SPPL3: variants seen among roughly 807,000 people sequenced by gnomAD.
The protein encoded by SPPL3 is signal peptide peptidase-like 3.
SPPL3 carries 5 observed loss-of-function variants against 42.4 expected under a neutral mutation model. The observed-to-expected ratio is 0.12, with a 90% confidence interval of 0.06 to 0.25. The LOEUF (loss-of-function observed/expected upper bound fraction) is 0.25. SPPL3 is among the 10% of genes least tolerant of loss of function. The probability of loss-of-function intolerance (pLI) is 1.00; values close to 1 mark genes in which losing one functional copy is unlikely to be tolerated. For missense variants in SPPL3, 235 were observed against 489.0 expected, an observed-to-expected ratio of 0.48 and a Z score of 4.90; for synonymous variants, 195 against 181.8, an observed-to-expected ratio of 1.07 and a Z score of -0.58.
intron 1 of SPPL3, among the ~76,000 whole-genome samples, chr12:120,838,266 T>C (rs1871689071): frequency 6.6e-6 from 1 of 152,232 alleles, no homozygotes; most frequent in South Asian, 2.1e-4. Flanking sequence ...ATATTTATTT[T>C]TTCCTTATCA....
At chr12:120,784,364 A>T in intron 4 of SPPL3, 110 bp downstream of exon 4, 1 of 1,196,174 alleles carries the variant, frequency 8.4e-7, no homozygotes, top group Non-Finnish European at 1.1e-6. Flanking sequence ...CAAGATTTAT[A>T]AGGAAAAACT....
At chr12:120,866,095 T>TTC (rs972946965) in intron 1 of SPPL3, among the ~76,000 whole-genome samples, 5 of 152,352 alleles carry the variant, frequency 3.3e-5, no homozygotes, top group Admixed American at 3.3e-4. Flanking sequence ...CTCCCACTGA[T>TTC]TCTCCATTAT....
At chr12:120,875,879 G>C (rs1873071226) in intron 1 of SPPL3, among the ~76,000 whole-genome samples, 1 of 152,056 alleles carries the variant, frequency 6.6e-6, no homozygotes, top group Admixed American at 6.6e-5. Flanking sequence ...TAAATACACA[G>C]ATTAAAAAGA....
chr12:120,886,853 TGCTA>T (rs1873476301), intron 1 of SPPL3, among the ~76,000 whole-genome samples: 2 of 152,194 alleles, frequency 1.3e-5, no homozygotes, highest in South Asian at 4.1e-4. Flanking sequence ...ATATGGGAGC[TGCTA>T]GCCACATGTA....
intron 1 of SPPL3, among the ~76,000 whole-genome samples, chr12:120,886,356 C>A (rs1305701144): frequency 1.3e-5 from 2 of 152,006 alleles, no homozygotes; most frequent in Non-Finnish European, 2.9e-5. Flanking sequence ...TATAGCAGAG[C>A]CCCAAAAGGC....
At chr12:120,861,908 C>T (rs1566063519) in intron 1 of SPPL3, among the ~76,000 whole-genome samples, 1 of 152,172 alleles carries the variant, frequency 6.6e-6, no homozygotes, top group East Asian at 1.9e-4. Context: ...TCACTTTGGG[C>T]TGTAGTGCTC....
At chr12:120,826,133 A>G (rs1255455615) in intron 1 of SPPL3, among the ~76,000 whole-genome samples, 4 of 139,604 alleles carry the variant, frequency 2.9e-5, no homozygotes, top group Non-Finnish European at 4.9e-5. Context: ...GTCTCTACTA[A>G]AAATACAAAA....
chr12:120,809,909 A>T (rs78516065), intron 2 of SPPL3, among the ~76,000 whole-genome samples: 92 of 152,350 alleles, frequency 6.0e-4, no homozygotes, highest in African/African-American at 2.0e-3. Context: ...GATTAAGAAA[A>T]ATATGATGTA....
At chr12:120,844,544 A>C (rs1260689866) in intron 1 of SPPL3, among the ~76,000 whole-genome samples, 1 of 152,082 alleles carries the variant, frequency 6.6e-6, no homozygotes, top group East Asian at 1.9e-4. Flanking sequence ...CACCCCACAC[A>C]CATGGCTGAG....
intron 1 of SPPL3, among the ~76,000 whole-genome samples, chr12:120,886,312 T>A (rs11065311): frequency 0.41 from 62,555 of 151,842 alleles, 14,479 homozygotes; most frequent in Middle Eastern, 0.56. Flanking sequence ...AAACTTCTGA[T>A]GAAAAAGGAT....
intron 2 of SPPL3, among the ~76,000 whole-genome samples, chr12:120,801,529 G>A (rs959280256): frequency 5.3e-5 from 8 of 151,980 alleles, no homozygotes; most frequent in African/African-American, 1.9e-4. Flanking sequence ...TTTTCAGCGA[G>A]GATTCAGGGG....
chr12:120,850,492 T>TAAAAAA (rs11413210), intron 1 of SPPL3, among the ~76,000 whole-genome samples: 5 of 119,406 alleles, frequency 4.2e-5, no homozygotes, highest in Non-Finnish European at 6.9e-5. Context: ...GACCAGCCTT[T>TAAAAAA]AAAAAAAAAA....
chr12:120,893,491 A>G (rs542328701), intron 1 of SPPL3, among the ~76,000 whole-genome samples: 1 of 152,042 alleles, frequency 6.6e-6, no homozygotes, highest in Non-Finnish European at 1.5e-5. Flanking sequence ...TGTACCAACC[A>G]TTCTCTTTCC....
intron 1 of SPPL3, chr12:120,845,712 C>T (rs780830352): frequency 4.7e-4 from 116 of 247,798 alleles, no homozygotes; most frequent in Non-Finnish European, 7.7e-4. Context: ...GCTGCTGCTC[C>T]GAGCCAGGTA....
chr12:120,808,022 T>C (rs1870557808), intron 2 of SPPL3, among the ~76,000 whole-genome samples: 1 of 152,068 alleles, frequency 6.6e-6, no homozygotes, highest in Non-Finnish European at 1.5e-5. Context: ...ACCAAGTGGT[T>C]GCATAATCTT....
At chr12:120,822,889 T>C (rs1301484802) in intron 1 of SPPL3, among the ~76,000 whole-genome samples, 2 of 152,058 alleles carry the variant, frequency 1.3e-5, no homozygotes, top group Admixed American at 6.6e-5. Context: ...TCCTATCTTA[T>C]GTATCACCAC....
Position 120,796,837 on chromosome 12 carries a change from C to G in SPPL3, c.102-5280G>C, listed in dbSNP as rs541404404. 2.0e-5 allele frequency among the ~76,000 whole-genome samples: 3 copies of G among 152,264 alleles called. No individual in the cohort carries two copies. In the South Asian group the frequency reaches 6.2e-4, roughly 32 times the overall value. On this transcript the variant is annotated intron_variant, in intron 2 of 10. Transcript: ENST00000353487. Reference sequence around the variant, plus strand: ...TTCTAATCCTTTCACATTATTCTTTCCTCCACTTTAGATGATTTCCACATA... The same window carrying G: ...TTCTAATCCTTTCACATTATTCTTTGCTCCACTTTAGATGATTTCCACATA...
chr12:120,903,787 G>T, intron 1 of SPPL3, 58 bp downstream of exon 1: 1 of 1,206,084 alleles, frequency 8.3e-7, no homozygotes, highest in Non-Finnish European at 1.1e-6. Context: ...GGCGGGCCGC[G>T]CCGGCGCCCC....
In SPPL3 at chr12:120,826,373, GC is replaced by G. The variant is rs1423938140; in HGVS notation, c.24-15488del. Among the ~76,000 whole-genome samples, 3 of 151,468 alleles carry G rather than the reference GC, an allele frequency of 2.0e-5. No homozygotes were observed. In the East Asian group the frequency reaches 5.8e-4, roughly 29 times the overall value. Reference sequence around the variant, plus strand: ...GACAAACTCAAACCTAGACCTACCTGCCTTGCCCTCTAACAGTGCTGGATAC... The same window carrying G: ...GACAAACTCAAACCTAGACCTACCTGCTTGCCCTCTAACAGTGCTGGATAC... On this transcript the variant is annotated intron_variant, in intron 1 of 10. Transcript: ENST00000353487.
Sources: gnomAD v4.1 joint callset for allele counts (sites outside exome capture counted in the v4.1 genomes callset) on GRCh38, gnomAD v4.1.1 for gene constraint, MANE v1.5 for transcripts, NCBI Gene and HGNC (gene_info 2026-07-23, HGNC 2026-07-21) for gene names.